Variants in SNAP29 observed in about 807,000 individuals in gnomAD.
The protein encoded by SNAP29 is synaptosomal-associated protein 29.
A neutral mutation model predicts 27.9 loss-of-function variants in SNAP29; 13 were observed. The observed-to-expected ratio is 0.47, with a 90% CI of 0.30 to 0.74. The LOEUF (loss-of-function observed/expected upper bound fraction) is 0.74, where lower values mean the gene tolerates loss of function less well. SNAP29 is among the 30% of genes least tolerant of loss of function. The probability of loss-of-function intolerance (pLI) is 0.06; values close to 1 mark genes in which losing one functional copy is unlikely to be tolerated. For missense variants in SNAP29, 368 were observed against 336.5 expected (o/e 1.09, Z -0.73); for synonymous variants, 119 against 127.1 (o/e 0.94, Z 0.43).
chr22:20,869,857 G>A (rs1489123716), intron 1 of SNAP29, among the ~76,000 whole-genome samples: 2 of 151,902 alleles, frequency 1.3e-5, no homozygotes, highest in African/African-American at 4.8e-5. Context: ...TGCAACCTCT[G>A]CCTTCAGGGT....
intron 1 of SNAP29, among the ~76,000 whole-genome samples, chr22:20,868,673 T>C (rs191804977): frequency 2.6e-5 from 4 of 152,116 alleles, no homozygotes; most frequent in African/African-American, 4.8e-5. Context: ...GGTGGATAGA[T>C]TCAGAGGAAG....
In SNAP29 at chr22:20,890,965, C is replaced by T. The variant is rs1401213310; in HGVS notation, c.*3129C>T. On this transcript the variant is annotated 3_prime_UTR_variant, in exon 5 of 5. Coordinates refer to ENST00000215730, the MANE Select transcript of SNAP29 (RefSeq NM_004782.4). ...TGGCGGGCGCCTGTAGTCCCAACTACTCGGGAGACTGAGGCAGAAGAATGG... is the reference window on the plus strand; with the variant it reads ...TGGCGGGCGCCTGTAGTCCCAACTATTCGGGAGACTGAGGCAGAAGAATGG... The T allele has an allele frequency of 6.6e-6, 1 of 152,072 alleles. No individual in the cohort carries two copies. The highest frequency in any genetic ancestry group is 1.9e-4 in the East Asian group (1 of 5,184). The allele number at this position is 152,072 out of a possible 1,614,324, so 9.4% of individuals were successfully genotyped here.
chr22:20,870,099 C>A (rs1458627643), intron 1 of SNAP29, among the ~76,000 whole-genome samples: 2 of 152,040 alleles, frequency 1.3e-5, no homozygotes, highest in Non-Finnish European at 2.9e-5. Context: ...GCGCCATGAG[C>A]CAGCCTCTCA....
chr22:20,875,858 C>CA (rs890643296), intron 2 of SNAP29, among the ~76,000 whole-genome samples: 50 of 143,252 alleles, frequency 3.5e-4, no homozygotes, highest in Middle Eastern at 3.6e-3. Flanking sequence ...CATGGACGAC[C>CA]AAAAAAAAAA....
chr22:20,882,648 T>A (rs1928915984), intron 3 of SNAP29, among the ~76,000 whole-genome samples: 1 of 152,158 alleles, frequency 6.6e-6, no homozygotes, highest in South Asian at 2.1e-4. Flanking sequence ...AGGCAAGGGC[T>A]GGGAAAACCG....
Position 20,859,262 on chromosome 22 carries a change from G to T in SNAP29, c.152G>T (p.Arg51Leu), listed in dbSNP as rs1412114458. The change falls in exon 1 of 5, where the codon CGC becomes CTC. Residue 51 changes from arginine to leucine, a missense_variant. Physicochemically the swap from Arg to Leu is moderately radical, Grantham distance 102. Transcript: ENST00000215730. The stretch of plus-strand genomic sequence containing the variant: ...CAGTACTTGCGGCAGGAGGTCCTCC[G>T]CAGGGCTGAGGCCACGGCCGCCAGC... ...RQQYLRQEVL[R>L]RAEATAASTS... 3.1e-6 allele frequency: 5 copies of T among 1,606,348 alleles called. No individual in the cohort carries two copies. The highest frequency in any genetic ancestry group is 1.1e-5 in the South Asian group (1 of 90,172).
intron 3 of SNAP29, 83 bp from the exon 4 acceptor site, chr22:20,883,388 A>G: frequency 1.1e-6 from 1 of 923,546 alleles, no homozygotes; most frequent in Non-Finnish European, 1.8e-6. Flanking sequence ...CCCATTTTCC[A>G]GATGAAATTG....
At position 20,862,610 on chromosome 22, in the gene SNAP29, G is replaced by C. The variant is rs111371747; in HGVS notation, c.237+3263G>C. Among the ~76,000 whole-genome samples, 1,047 of 152,226 alleles carry C rather than the reference G, an allele frequency of 6.9e-3. 15 individuals are homozygous for C. The highest frequency in any genetic ancestry group is 0.024 in the African/African-American group (997 of 41,516). ...GATATAGATTGTGATGACATGCCCC[G>C]TGCTGCCCCCAAAGGTCTTTCTATG... On this transcript the variant is annotated intron_variant, in intron 1 of 4. Transcript: ENST00000215730.
intron 2 of SNAP29, among the ~76,000 whole-genome samples, chr22:20,874,340 GAAAATTAGCCACACACACAC>G (rs1928680666): frequency 8.6e-6 from 1 of 116,932 alleles, no homozygotes; most frequent in Non-Finnish European, 1.8e-5. Context: ...ACACACACAC[GAAAATTAGCCACACACACAC>G]ACACACACAC....
At chr22:20,865,311 T>A (rs530920827) in intron 1 of SNAP29, among the ~76,000 whole-genome samples, 2 of 152,006 alleles carry the variant, frequency 1.3e-5, no homozygotes, top group South Asian at 4.2e-4. Flanking sequence ...GCTGAGGTCA[T>A]GCCACTGTAT....
chr22:20,879,851 T>TAAAAA (rs361542), intron 2 of SNAP29, among the ~76,000 whole-genome samples: 1 of 98,034 alleles, frequency 1.0e-5, no homozygotes. Flanking sequence ...TGAAAAAATT[T>TAAAAA]AAAAAAAAAA....
At chr22:20,883,978 T>G (rs1466367258) in intron 4 of SNAP29, among the ~76,000 whole-genome samples, 1 of 152,156 alleles carries the variant, frequency 6.6e-6, no homozygotes, top group African/African-American at 2.4e-5. Flanking sequence ...TAAGAGTTAG[T>G]GCTCGTGTTG....
intron 1 of SNAP29, among the ~76,000 whole-genome samples, chr22:20,865,816 C>T (rs1928445174): frequency 6.6e-6 from 1 of 152,216 alleles, no homozygotes; most frequent in African/African-American, 2.4e-5. Flanking sequence ...ATGTGGACAA[C>T]ACTTCTCCAA....
Position 20,859,234 on chromosome 22 carries a change from C to A in SNAP29, c.124C>A (p.Gln42Lys). Residue 42 changes from glutamine (Q) to lysine (K), a missense_variant, in exon 1 of 5, where the codon CAG (glutamine) becomes AAG (lysine). By Grantham distance (53) the Gln-to-Lys change is moderately conservative (BLOSUM62 1). Transcript: ENST00000215730. ...CGGGCCCGACGCGCCCGCGGACAGGCAGCAGTACTTGCGGCAGGAGGTCCT... is the reference window on the plus strand; with the variant it reads ...CGGGCCCGACGCGCCCGCGGACAGGAAGCAGTACTTGCGGCAGGAGGTCCT... ...PDGPDAPADR[Q>K]QYLRQEVLRR... 1 of 1,606,874 alleles carries A rather than the reference C, an allele frequency of 6.2e-7. No homozygotes were observed. Among genetic ancestry groups the A allele is most frequent in the Non-Finnish European group, 8.5e-7 (1 of 1,177,562 alleles).
intron 1 of SNAP29, among the ~76,000 whole-genome samples, chr22:20,863,743 A>AG (rs1928390444): frequency 6.6e-6 from 1 of 152,170 alleles, no homozygotes; most frequent in Non-Finnish European, 1.5e-5. Context: ...AACATACAAA[A>AG]GGGTGTAGTC....
In SNAP29 at chr22:20,859,441, C is replaced by T. The variant is rs1601641034; in HGVS notation, c.237+94C>T. ...TTGCTCACAATCTTTTGAGAATTCT[C>T]AAGTTGCCTAGCATAGATTCTTGCA... On this transcript the variant is annotated intron_variant, in intron 1 of 4. Coordinates refer to ENST00000215730, the MANE Select transcript of SNAP29 (RefSeq NM_004782.4). 7.2e-6 allele frequency: 7 copies of T among 967,478 alleles called. No homozygotes were observed. The East Asian group carries it at 9.5e-5, about 13-fold the overall frequency. The allele number at this position is 967,478 out of a possible 1,614,324, so 59.9% of individuals were successfully genotyped here.
At chr22:20,873,108 G>T (rs1384065649) in intron 2 of SNAP29, among the ~76,000 whole-genome samples, 1 of 152,052 alleles carries the variant, frequency 6.6e-6, no homozygotes, top group African/African-American at 2.4e-5. Context: ...AGGATTATGG[G>T]CGTGAGCCAC....
In SNAP29 at chr22:20,890,707, C is replaced by CAAG. The variant is rs1929130641; in HGVS notation, c.*2871_*2872insAAG. On this transcript the variant is annotated 3_prime_UTR_variant, in exon 5 of 5. Transcript: ENST00000215730. ...CTGGGAGGCAGAGCTTGCAGTGAGC[C>CAAG]GAGACAGCGCCATTGCACTCCAGCC... 6.4e-6 allele frequency: 1 copy of CAAG among 155,186 alleles called. No individual in the cohort carries two copies. The allele number at this position is 155,186 out of a possible 1,614,324, so 9.6% of individuals were successfully genotyped here.
At chr22:20,868,585 T>C (rs1278817414) in intron 1 of SNAP29, among the ~76,000 whole-genome samples, 1 of 151,462 alleles carries the variant, frequency 6.6e-6, no homozygotes, top group African/African-American at 2.4e-5. Context: ...TTTTTTGACT[T>C]TGTTTTTAGG....
Sources: gnomAD v4.1 joint callset for allele counts (sites outside exome capture counted in the v4.1 genomes callset) on GRCh38, gnomAD v4.1.1 for gene constraint, MANE v1.5 for transcripts, NCBI Gene and HGNC (gene_info 2026-07-23, HGNC 2026-07-21) for gene names.